SART3: variants seen among roughly 807,000 people sequenced by gnomAD.
SART3 encodes spliceosome associated factor 3, U4/U6 recycling protein.
In SART3, 44 loss-of-function variants were observed where a neutral mutation model predicts 122.3. The ratio of observed to expected loss-of-function variants is 0.36; its 90% CI spans 0.28 to 0.46. The LOEUF (loss-of-function observed/expected upper bound fraction) is 0.46. SART3 is among the 20% of genes least tolerant of loss of function. The pLI is 1.00. For synonymous variants in SART3, 442 were observed against 454.0 expected (o/e 0.97, Z 0.34); for missense variants, 1,101 against 1,229.0 (o/e 0.90, Z 1.56).
At chr12:108,560,258 C>T (rs979710857) in intron 1 of SART3, 1 of 154,290 alleles carries the variant, frequency 6.5e-6, no homozygotes, top group African/African-American at 2.4e-5. Flanking sequence ...TTGTTGCTCC[C>T]AATCTGCAGA....
intron 16 of SART3, chr12:108,525,837 G>A (rs569894456): frequency 3.2e-6 from 2 of 624,676 alleles, no homozygotes; most frequent in African/African-American, 3.7e-5. Flanking sequence ...CATTCACAGA[G>A]TCTCATGAGG....
chr12:108,558,310 C>G (rs373657991), intron 1 of SART3, among the ~76,000 whole-genome samples: 26 of 152,328 alleles, frequency 1.7e-4, no homozygotes, highest in African/African-American at 5.3e-4. Flanking sequence ...GCTGTGGGAT[C>G]AGGATGAGGT....
Position 108,560,924 on chromosome 12 carries a change from C to T in SART3, c.231G>A (p.Glu77=). ...CCCACTCGTACTCCCCGGGGGAGCT[C>T]TCCGCGGAGGAAGCCATGGCGTACT... The part of the protein sequence containing the change: ...GDEYAMASSA[E]SSPGEYEWEY... The change falls in exon 1 of 19, where the codon GAG becomes GAA. Residue 77 remains glutamate (E), a synonymous_variant. Transcript: ENST00000546815. 6.2e-7 allele frequency: 1 copy of T among 1,613,992 alleles called. No homozygotes were observed. Among genetic ancestry groups the T allele is most frequent in the Non-Finnish European group, 8.5e-7 (1 of 1,179,932 alleles).
chr12:108,540,449 T>C (rs1873108594), intron 6 of SART3, among the ~76,000 whole-genome samples: 2 of 152,292 alleles, frequency 1.3e-5, no homozygotes, highest in East Asian at 3.9e-4. Flanking sequence ...TGGACAAATT[T>C]ATAATATTAT....
At chr12:108,541,101 C>A (rs1873137377) in intron 6 of SART3, among the ~76,000 whole-genome samples, 1 of 152,156 alleles carries the variant, frequency 6.6e-6, no homozygotes, top group African/African-American at 2.4e-5. Flanking sequence ...TCAAAAGACA[C>A]TGTTAAAAAA....
At chr12:108,537,277 G>A (rs1193122498) in intron 9 of SART3, 7 of 545,492 alleles carry the variant, frequency 1.3e-5, no homozygotes, top group Middle Eastern at 5.1e-4. Flanking sequence ...AGGCTGGCAG[G>A]AGCCAGTATA....
intron 13 of SART3, 39 bp downstream of exon 13, chr12:108,532,183 G>A (rs756560528): frequency 6.4e-7 from 1 of 1,566,066 alleles, no homozygotes. Context: ...AACAGCAAAT[G>A]GGTTAGGCTC....
In SART3 at chr12:108,524,266, TG is replaced by T. The variant is rs1343524061; in HGVS notation, c.2714+49del. 8 of 1,479,882 alleles carry T rather than the reference TG, an allele frequency of 5.4e-6. No individual in the cohort carries two copies. The South Asian group carries it at 6.8e-5, about 13-fold the overall frequency. 91.7% of individuals were successfully genotyped at this position (1,479,882 alleles called of 1,614,324 possible). On this transcript the variant is annotated intron_variant, in intron 18 of 18. Transcript: ENST00000546815. ...GTTAATCCCCCCGTGATCCATGAACTGGTGCCAGCCAGGACGAAGTTTGCAC... is the reference window on the plus strand; with the variant it reads ...GTTAATCCCCCCGTGATCCATGAACTGTGCCAGCCAGGACGAAGTTTGCAC...
chr12:108,535,316 A>G (rs1872857064), intron 12 of SART3, 43 bp downstream of exon 12: 1 of 1,495,118 alleles, frequency 6.7e-7, no homozygotes, highest in Admixed American at 1.7e-5. Flanking sequence ...ACAGGTGCAC[A>G]GCTGACAAGC....
intron 12 of SART3, among the ~76,000 whole-genome samples, chr12:108,533,965 T>C (rs1420976578): frequency 6.6e-6 from 1 of 152,222 alleles, no homozygotes; most frequent in Non-Finnish European, 1.5e-5. Flanking sequence ...TAAAATACCT[T>C]TCTTTCCTAA....
intron 1 of SART3, among the ~76,000 whole-genome samples, chr12:108,555,791 A>T (rs940193474): frequency 3.4e-4 from 52 of 152,214 alleles, no homozygotes; most frequent in Non-Finnish European, 1.6e-4. Context: ...CAATTCAAAT[A>T]AAAAAACCAA....
Position 108,523,396 on chromosome 12 carries a change from G to T in SART3, c.*61C>A. 1 of 1,559,878 alleles carries T rather than the reference G, an allele frequency of 6.4e-7. No individual in the cohort carries two copies. Among genetic ancestry groups the T allele is most frequent in the Non-Finnish European group, 8.8e-7 (1 of 1,132,400 alleles). ...CTGTCCATCCCCAGTGCACTGCTGG[G>T]TGGTGGGAGGTCCGCCGGGCCAGAG... is the stretch of plus-strand genomic sequence containing the variant. On this transcript the variant is annotated 3_prime_UTR_variant, in exon 19 of 19. Coordinates refer to ENST00000546815, the MANE Select transcript of SART3 (RefSeq NM_014706.4).
rs757900725 is a variant in SART3, at chr12:108,538,116, G to A, written c.1150C>T (p.Arg384Trp). The A allele has an allele frequency of 8.1e-6, 13 of 1,614,132 alleles. No homozygotes were observed. Among genetic ancestry groups the A allele is most frequent in the South Asian group, 5.5e-5 (5 of 91,074 alleles). ...TGTCTCTCCATGGCCAAGAGGTACC[G>A]ACTCCATAAGGCAACTGTCCAGGGG... Reference protein sequence around the residue: ...NCPWTVALWSRYLLAMERHGV... With the variant: ...NCPWTVALWSWYLLAMERHGV... Residue 384 changes from arginine (R) to tryptophan (W), a missense_variant, in exon 8 of 19, where the codon CGG becomes TGG. Arg to Trp is a moderately radical substitution (Grantham distance 101, BLOSUM62 -3). Around this residue, in one of 2 missense-constraint regions of SART3, gnomAD observed 885 missense variants for 1,080.1 expected, o/e 0.82. Transcript: ENST00000546815.
intron 3 of SART3, among the ~76,000 whole-genome samples, chr12:108,546,590 G>C (rs796937599): frequency 6.7e-6 from 1 of 149,730 alleles, no homozygotes; most frequent in East Asian, 2.0e-4. Flanking sequence ...GCACAATCTC[G>C]GCCCACTGCA....
In SART3 at chr12:108,526,295, A is replaced by G; in HGVS notation, c.2174T>C (p.Leu725Pro). Residue 725 changes from leucine to proline, a missense_variant, in exon 16 of 19, where the codon CTC becomes CCC. Leu to Pro is a moderately conservative substitution (Grantham distance 98). Transcript: ENST00000546815. ...GACCACCTCCCCACAGGCCTCGAAGAGTGGCCTGAGCTTCGTGTCCGGCTC... is the reference window on the plus strand; with the variant it reads ...GACCACCTCCCCACAGGCCTCGAAGGGTGGCCTGAGCTTCGTGTCCGGCTC... ...MQEPDTKLRP[L>P]FEACGEVVQI... The G allele has an allele frequency of 2.5e-6, 4 of 1,614,190 alleles. No individual in the cohort carries two copies. The highest frequency in any genetic ancestry group is 3.4e-6 in the Non-Finnish European group (4 of 1,180,026).
chr12:108,530,151 C>G lies in SART3; in HGVS notation c.1906G>C (p.Asp636His). The G allele has an allele frequency of 6.2e-7, 1 of 1,614,148 alleles. No individual in the cohort carries two copies. Among genetic ancestry groups the G allele is most frequent in the Non-Finnish European group, 8.5e-7 (1 of 1,180,042 alleles). The change falls in exon 15 of 19, where the codon GAT becomes CAT. Residue 636 changes from aspartate to histidine, a missense_variant. Coordinates refer to ENST00000546815, the MANE Select transcript of SART3 (RefSeq NM_014706.4). ...CTCAAGAGCTCCTTACCTTCTTCAT[C>G]ATCGCCCCACTCTTTCTCATCATCC... ...DEDDEKEWGD[D>H]EEEQPSKRRR...
Position 108,526,232 on chromosome 12 carries a change from C to T in SART3, c.2237G>A (p.Arg746Gln), listed in dbSNP as rs746410852. The T allele has an allele frequency of 1.9e-6, 3 of 1,614,230 alleles. No homozygotes were observed. Among genetic ancestry groups the T allele is most frequent in the Admixed American group, 1.7e-5 (1 of 60,030 alleles). The change falls in exon 16 of 19, where the codon CGA (arginine) becomes CAA (glutamine). Residue 746 changes from arginine to glutamine, a missense_variant. This residue lies in a region of SART3 where 885 missense variants were observed against 1,080.1 expected (regional missense o/e 0.82). Transcript: ENST00000546815. The stretch of plus-strand genomic sequence containing the variant: ...TTTAAACTCCACGTAGCAGTAACCT[C>T]GGAAATCCCCACGGTTGCTGAAGAT... ...RPIFSNRGDF[R>Q]GYCYVEFKEE...
intron 16 of SART3, 80 bp from the exon 17 acceptor site, chr12:108,525,689 G>T: frequency 6.9e-7 from 1 of 1,444,254 alleles, no homozygotes; most frequent in Non-Finnish European, 9.7e-7. Flanking sequence ...CACCAGCCTT[G>T]TCCCCATGAG....
chr12:108,544,689 C>CTACTA, intron 4 of SART3: 1 of 691,126 alleles, frequency 1.4e-6, no homozygotes, highest in Non-Finnish European at 2.6e-6. Flanking sequence ...CCTCAGAGTC[C>CTACTA]TGAGTAGCTA....
Sources: allele counts gnomAD v4.1 joint callset (sites outside exome capture counted in the v4.1 genomes callset), GRCh38; gene constraint gnomAD v4.1.1; regional missense constraint gnomAD v4.1.1; transcripts MANE v1.5; gene names NCBI Gene and HGNC (gene_info 2026-07-23, HGNC 2026-07-21).